Variants in CSMD1 observed in about 807,000 individuals in gnomAD.
CSMD1 encodes the protein CUB and Sushi multiple domains 1.
CSMD1 carries 213 observed loss-of-function variants against 417.5 expected under a neutral mutation model. The observed-to-expected ratio is 0.51, with a 90% CI of 0.46 to 0.57. The LOEUF (loss-of-function observed/expected upper bound fraction) is 0.57. CSMD1 is among the 20% of genes least tolerant of loss of function. CSMD1 has a pLI of 0.00. For missense variants in CSMD1, 6,923 were observed against 4,529.7 expected, an observed-to-expected ratio of 1.53 and a Z score of -15.17; for synonymous variants, 2,862 against 1,736.8, an observed-to-expected ratio of 1.65 and a Z score of -16.11.
At chr8:3,902,798 T>C (rs915266711) in intron 5 of CSMD1, among the ~76,000 whole-genome samples, 2 of 152,136 alleles carry the variant, frequency 1.3e-5, no homozygotes, top group Non-Finnish European at 1.5e-5. Context: ...TGCAACATTT[T>C]ATGAGAATTA....
Position 4,637,249 on chromosome 8 carries a change from G to A in CSMD1, c.302+93C>T, listed in dbSNP as rs532831907. On this transcript the variant is annotated intron_variant, in intron 2 of 69. Coordinates refer to ENST00000635120, the MANE Select transcript of CSMD1 (RefSeq NM_033225.6). ...GAACCCACCGGAAGGAACCAACTCC[G>A]GACACAATAATAAAATTTAAATATT... is the stretch of plus-strand genomic sequence containing the variant. 623 of 1,151,772 alleles carry A rather than the reference G, an allele frequency of 5.4e-4. 1 individual carries two copies. The highest frequency in any genetic ancestry group is 4.6e-3 in the African/African-American group (303 of 65,168). 71.3% of individuals were successfully genotyped at this position (1,151,772 alleles called of 1,614,324 possible).
At chr8:3,063,068 A>T (rs565936115) in intron 49 of CSMD1, among the ~76,000 whole-genome samples, 1 of 152,194 alleles carries the variant, frequency 6.6e-6, no homozygotes, top group African/African-American at 2.4e-5. Context: ...ATGGAACCCA[A>T]GAGTCCCAGG....
At chr8:3,979,718 C>T (rs888298031) in intron 5 of CSMD1, among the ~76,000 whole-genome samples, 4 of 152,190 alleles carry the variant, frequency 2.6e-5, no homozygotes, top group Non-Finnish European at 5.9e-5. Context: ...ACTGAATAAG[C>T]TGGAACCTTG....
intron 4 of CSMD1, among the ~76,000 whole-genome samples, chr8:4,011,746 T>G (rs1377161491): frequency 6.6e-6 from 1 of 152,174 alleles, no homozygotes; most frequent in African/African-American, 2.4e-5. Context: ...TTTTTCTCAT[T>G]TTCTCCCAGT....
intron 3 of CSMD1, among the ~76,000 whole-genome samples, chr8:4,248,018 G>C (rs998022432): frequency 1.3e-5 from 2 of 152,108 alleles, no homozygotes; most frequent in African/African-American, 4.8e-5. Context: ...ATTGTATATA[G>C]ATTTTTCATT....
chr8:3,485,527 A>ACG, intron 11 of CSMD1, among the ~76,000 whole-genome samples: 1 of 44,710 alleles, frequency 2.2e-5, no homozygotes. Flanking sequence ...TCATAACAAT[A>ACG]CACACACACA....
At position 3,230,230 on chromosome 8, in the gene CSMD1, G is replaced by A. The variant is rs776722253; in HGVS notation, c.4155C>T (p.Thr1385=). The A allele has an allele frequency of 1.5e-5, 24 of 1,570,896 alleles. No homozygotes were observed. The East Asian group carries it at 4.6e-4, about 30-fold the overall frequency. ...SKSGFSIQFS[T]SIAATCNDPG... ...GATCGTTACAGGTGGCTGCAATTGA[G>A]GCTGCAAACAAAAGAGAAGGCAAGG... The change falls in exon 27 of 70, where the codon ACC becomes ACT. Residue 1385 remains threonine, a splice_region_variant and synonymous_variant. Transcript: ENST00000635120.
intron 40 of CSMD1, among the ~76,000 whole-genome samples, chr8:3,146,400 C>G (rs1818847649): frequency 6.6e-6 from 1 of 152,126 alleles, no homozygotes; most frequent in South Asian, 2.1e-4. Context: ...TTTGGTTTAA[C>G]TATTAAAAAC....
intron 2 of CSMD1, among the ~76,000 whole-genome samples, chr8:4,610,716 G>C (rs980208557): frequency 2.0e-5 from 3 of 152,140 alleles, no homozygotes; most frequent in Non-Finnish European, 4.4e-5. Context: ...GGTTGTAACA[G>C]CTTTGCAAAT....
At chr8:3,674,794 T>G (rs747616633) in intron 7 of CSMD1, among the ~76,000 whole-genome samples, 1 of 152,120 alleles carries the variant, frequency 6.6e-6, no homozygotes. Flanking sequence ...TTCAAAGAGG[T>G]GAAACCAATT....
chr8:3,316,435 C>T (rs1013899079), intron 23 of CSMD1, among the ~76,000 whole-genome samples: 1 of 152,050 alleles, frequency 6.6e-6, no homozygotes, highest in Non-Finnish European at 1.5e-5. Context: ...GAAATAAATA[C>T]TTATAAAACA....
chr8:4,913,267 G>A (rs954105843), intron 1 of CSMD1, among the ~76,000 whole-genome samples: 6 of 152,146 alleles, frequency 3.9e-5, no homozygotes, highest in Non-Finnish European at 7.3e-5. Context: ...CTTCTTTCCT[G>A]CCACAGGTTT....
At chr8:3,812,435 C>T (rs6558822) in intron 5 of CSMD1, among the ~76,000 whole-genome samples, 152,240 of 152,268 alleles carry the variant, frequency 1, 76,106 homozygotes, top group Middle Eastern at 1. Flanking sequence ...TTAAAGTGCT[C>T]ACAATGATGT....
rs557395538 is a variant in CSMD1 at position 4,975,922 on chromosome 8, C to G, written c.85+18410G>C. Among the ~76,000 whole-genome samples, 4 of 152,224 alleles carry G rather than the reference C, an allele frequency of 2.6e-5. No individual in the cohort carries two copies. The South Asian group carries it at 8.3e-4, about 32-fold the overall frequency. ...TATTTCCTATGTTGCTCACATTGGC[C>G]ATATGTGATAAAACATAATTTTATT... On this transcript the variant is annotated intron_variant, in intron 1 of 69. Transcript: ENST00000635120.
rs1368236261 is a variant in CSMD1 at position 3,998,002 on chromosome 8, G to T, written c.719C>A (p.Ala240Asp). 6.2e-7 allele frequency: 1 copy of T among 1,609,676 alleles called. No individual in the cohort carries two copies. Among genetic ancestry groups the T allele is most frequent in the South Asian group, 1.1e-5 (1 of 89,976 alleles). The change falls in exon 5 of 70, where the codon GCT becomes GAT. Residue 240 changes from alanine to aspartate, a missense_variant. Coordinates refer to ENST00000635120, the MANE Select transcript of CSMD1 (RefSeq NM_033225.6). ...CAGCGCAATGGTGTCCCCGGGCTCAGCCAGAATGGTCCAGGTGCAGTCCGC... is the reference window on the plus strand; with the variant it reads ...CAGCGCAATGGTGTCCCCGGGCTCATCCAGAATGGTCCAGGTGCAGTCCGC... ...NNADCTWTIL[A>D]EPGDTIALVF...
chr8:3,895,263 G>A (rs897252003), intron 5 of CSMD1, among the ~76,000 whole-genome samples: 21 of 152,006 alleles, frequency 1.4e-4, no homozygotes, highest in Non-Finnish European at 1.0e-4. Flanking sequence ...ACAAAGAGAT[G>A]GTCTACTGCT....
At chr8:4,446,359 G>A (rs1018279194) in intron 2 of CSMD1, among the ~76,000 whole-genome samples, 3 of 152,106 alleles carry the variant, frequency 2.0e-5, no homozygotes, top group Admixed American at 6.5e-5. Flanking sequence ...ACCAGCCTGG[G>A]CAACATGGCA....
chr8:4,390,793 AGCCTCCCAAAGTGCTG>A (rs891983613), intron 3 of CSMD1, among the ~76,000 whole-genome samples: 1 of 152,040 alleles, frequency 6.6e-6, no homozygotes, highest in African/African-American at 2.4e-5. Flanking sequence ...CACCTGCCTC[AGCCTCCCAAAGTGCTG>A]GGATTACAGA....
At position 4,635,685 on chromosome 8, in the gene CSMD1, C is replaced by G. The variant is rs1563355444; in HGVS notation, c.302+1657G>C. ...CAGTTTTTATTACCATTATAATACACTACTATACCCTAGTAGCGTTGATAA... is the reference window on the plus strand; with the variant it reads ...CAGTTTTTATTACCATTATAATACAGTACTATACCCTAGTAGCGTTGATAA... On this transcript the variant is annotated intron_variant, in intron 2 of 69. Transcript: ENST00000635120. Among the ~76,000 whole-genome samples, 7 of 152,164 alleles carry G rather than the reference C, an allele frequency of 4.6e-5. No individual in the cohort carries two copies. The South Asian group carries it at 1.0e-3, about 23-fold the overall frequency.
Sources: allele counts gnomAD v4.1 joint callset (sites outside exome capture counted in the v4.1 genomes callset), GRCh38; gene constraint gnomAD v4.1.1; transcripts MANE v1.5; gene names NCBI Gene and HGNC (gene_info 2026-07-23, HGNC 2026-07-21).